Variants in LRRC28 observed in about 807,000 individuals in gnomAD.
The protein encoded by LRRC28 is leucine rich repeat containing 28.
Under a neutral mutation model 45.7 loss-of-function variants are expected in LRRC28, and 39 were observed. The observed-to-expected ratio is 0.85, with a 90% CI of 0.66 to 1.12. The LOEUF (loss-of-function observed/expected upper bound fraction) is 1.12, where lower values mean the gene tolerates loss of function less well. Ranked by LOEUF, LRRC28 falls within the 50% of genes most tolerant of loss-of-function variation. The pLI is 0.00. For synonymous variants in LRRC28, 206 were observed against 178.8 expected (o/e 1.15, Z -1.22); for missense variants, 435 against 438.5 (o/e 0.99, Z 0.07).
chr15:99,379,504 T>C (rs925730228), intron 9 of LRRC28, among the ~76,000 whole-genome samples: 7 of 152,200 alleles, frequency 4.6e-5, no homozygotes, highest in Non-Finnish European at 8.8e-5. Context: ...CCTGGATTGA[T>C]TGATTTTTTG....
intron 5 of LRRC28, among the ~76,000 whole-genome samples, chr15:99,324,119 A>C (rs1363754705): frequency 6.6e-6 from 1 of 152,102 alleles, no homozygotes; most frequent in Non-Finnish European, 1.5e-5. Flanking sequence ...CTCAAATAGC[A>C]CTCAACCTTA....
At chr15:99,383,455 G>A (rs1957890493) in intron 9 of LRRC28, among the ~76,000 whole-genome samples, 1 of 152,208 alleles carries the variant, frequency 6.6e-6, no homozygotes, top group Non-Finnish European at 1.5e-5. Flanking sequence ...TGGGAAGAAT[G>A]GGGCCTACCC....
chr15:99,298,799 C>T (rs1376544722), intron 5 of LRRC28, among the ~76,000 whole-genome samples: 3 of 152,058 alleles, frequency 2.0e-5, no homozygotes, highest in Admixed American at 6.6e-5. Flanking sequence ...ACCTTCTCCT[C>T]CTGGGTTGAA....
At chr15:99,349,221 C>G (rs571606173) in intron 6 of LRRC28, among the ~76,000 whole-genome samples, 2 of 152,050 alleles carry the variant, frequency 1.3e-5, no homozygotes, top group Non-Finnish European at 2.9e-5. Flanking sequence ...ATTTTCAGCT[C>G]AATTAACACC....
chr15:99,362,413 C>T (rs530271138), intron 8 of LRRC28, among the ~76,000 whole-genome samples: 4 of 152,250 alleles, frequency 2.6e-5, no homozygotes, highest in Non-Finnish European at 5.9e-5. Context: ...TAGATTTCAC[C>T]TCAGCATGAC....
At chr15:99,302,544 A>G (rs1381617829) in intron 5 of LRRC28, among the ~76,000 whole-genome samples, 2 of 152,200 alleles carry the variant, frequency 1.3e-5, no homozygotes, top group Admixed American at 6.5e-5. Context: ...ATGTGCCACC[A>G]AGCTATTGAT....
At chr15:99,384,275 T>G (rs1188389349) in intron 9 of LRRC28, 4 of 152,218 alleles carry the variant, frequency 2.6e-5, no homozygotes, top group Non-Finnish European at 5.9e-5. Flanking sequence ...AAAGGTCTGT[T>G]TCTGATATGA....
At chr15:99,284,787 T>C (rs745999343) in intron 3 of LRRC28, 29 of 535,138 alleles carry the variant, frequency 5.4e-5, no homozygotes, top group Non-Finnish European at 1.0e-4. Context: ...ACTATTGCAA[T>C]TGTCAAAATC....
At chr15:99,343,631 G>A (rs926189232) in intron 6 of LRRC28, among the ~76,000 whole-genome samples, 7 of 152,244 alleles carry the variant, frequency 4.6e-5, no homozygotes, top group African/African-American at 7.2e-5. Context: ...GCTTCCTTGC[G>A]TTATAGATTT....
intron 7 of LRRC28, among the ~76,000 whole-genome samples, chr15:99,359,650 T>C (rs953317919): frequency 1.3e-5 from 2 of 152,212 alleles, no homozygotes. Context: ...TAAAAACATC[T>C]GTGCATTGGA....
intron 6 of LRRC28, among the ~76,000 whole-genome samples, chr15:99,349,308 A>T (rs1232442420): frequency 6.6e-6 from 1 of 152,108 alleles, no homozygotes; most frequent in Non-Finnish European, 1.5e-5. Flanking sequence ...TTTTTGGTGT[A>T]CTGGAGTAAA....
intron 2 of LRRC28, among the ~76,000 whole-genome samples, chr15:99,276,047 A>C (rs2081608857): frequency 6.6e-6 from 1 of 151,940 alleles, no homozygotes; most frequent in Non-Finnish European, 1.5e-5. Flanking sequence ...CCCTATTGTG[A>C]ACTGCACATG....
intron 2 of LRRC28, among the ~76,000 whole-genome samples, chr15:99,272,844 T>C (rs897918722): frequency 1.4e-4 from 21 of 152,198 alleles, no homozygotes; most frequent in Admixed American, 1.4e-3. Flanking sequence ...AAGGTAATAA[T>C]AGATTTGAGA....
At chr15:99,343,687 G>A (rs763308279) in intron 6 of LRRC28, among the ~76,000 whole-genome samples, 3 of 152,106 alleles carry the variant, frequency 2.0e-5, no homozygotes, top group African/African-American at 4.8e-5. Flanking sequence ...ATATTATTGC[G>A]TGATGTATCT....
rs564773457 is a variant in LRRC28 at position 99,311,345 on chromosome 15, G to GA, written c.386-22577dup. Among the ~76,000 whole-genome samples, 391 of 152,260 alleles carry GA rather than the reference G, an allele frequency of 2.6e-3. 1 individual carries two copies. Among genetic ancestry groups the GA allele is most frequent in the South Asian group, 4.4e-3 (21 of 4,824 alleles). On this transcript the variant is annotated intron_variant, in intron 5 of 9. Coordinates refer to ENST00000301981, the MANE Select transcript of LRRC28 (RefSeq NM_144598.5). Reference sequence around the variant, plus strand: ...TCTTTCGTTGCTTTACGTGAATTGTGATATGTTGTGTGTTCGTTCTCATTC... The same window carrying GA: ...TCTTTCGTTGCTTTACGTGAATTGTGAATATGTTGTGTGTTCGTTCTCATTC...
intron 6 of LRRC28, among the ~76,000 whole-genome samples, chr15:99,344,781 A>G (rs909346205): frequency 3.3e-5 from 5 of 152,212 alleles, no homozygotes; most frequent in South Asian, 2.1e-4. Context: ...TTTAATTTGC[A>G]TAAGCTCTTT....
intron 9 of LRRC28, among the ~76,000 whole-genome samples, chr15:99,375,564 T>G (rs766211917): frequency 6.6e-6 from 1 of 152,238 alleles, no homozygotes. Context: ...ATCTTTTTAC[T>G]CTTTGTTAGA....
intron 5 of LRRC28, among the ~76,000 whole-genome samples, chr15:99,310,580 A>G (rs1262420405): frequency 6.6e-6 from 1 of 152,244 alleles, no homozygotes; most frequent in Non-Finnish European, 1.5e-5. Flanking sequence ...CATGCCAAAG[A>G]AAAGTGAACA....
intron 9 of LRRC28, among the ~76,000 whole-genome samples, chr15:99,378,664 T>C (rs1282239013): frequency 1.3e-5 from 2 of 152,184 alleles, no homozygotes; most frequent in African/African-American, 4.8e-5. Context: ...CAGTATGATA[T>C]TGGCTGTGGG....
Sources: gnomAD v4.1 joint callset for allele counts (sites outside exome capture counted in the v4.1 genomes callset) on GRCh38, gnomAD v4.1.1 for gene constraint, MANE v1.5 for transcripts, NCBI Gene and HGNC (gene_info 2026-07-23, HGNC 2026-07-21) for gene names.